ATP9A: variants seen among roughly 807,000 people sequenced by gnomAD.
The protein encoded by ATP9A is probable phospholipid-transporting ATPase IIA.
Under a neutral mutation model 144.1 loss-of-function variants are expected in ATP9A, and 52 were observed. That is an observed-to-expected ratio of 0.36 (90% CI 0.29 to 0.45). The LOEUF is 0.45. Ranked by LOEUF, ATP9A falls within the 20% of genes least tolerant of loss-of-function variation. The pLI is 1.00. For synonymous variants in ATP9A, 582 were observed against 557.4 expected (o/e 1.04, Z -0.62); for missense variants, 947 against 1,392.7 (o/e 0.68, Z 5.09).
At chr20:51,691,613 G>GATGTGGAGA (rs2077548867) in intron 7 of ATP9A, among the ~76,000 whole-genome samples, 1 of 152,240 alleles carries the variant, frequency 6.6e-6, no homozygotes, top group South Asian at 2.1e-4. Flanking sequence ...CAAGTGTGAA[G>GATGTGGAGA]ATGTGGAGAA....
rs1325343744 is a variant in ATP9A, at chr20:51,630,112, C to G, written c.1669-1040G>C. Among the ~76,000 whole-genome samples the G allele has an allele frequency of 2.0e-5, 3 of 152,174 alleles. No homozygotes were observed. In the East Asian group the frequency reaches 5.8e-4, roughly 29 times the overall value. On this transcript the variant is annotated intron_variant, in intron 15 of 27. Transcript: ENST00000338821. ...TGACGGGTGGAGGCCAGGGGTGCTG[C>G]TCACCCTCCTACATCACACAGGACG...
intron 1 of ATP9A, among the ~76,000 whole-genome samples, chr20:51,760,067 A>AT (rs1322804550): frequency 6.6e-6 from 1 of 152,090 alleles, no homozygotes; most frequent in African/African-American, 2.4e-5. Flanking sequence ...CGATTTGTGC[A>AT]TTTTTGTGCT....
intron 14 of ATP9A, among the ~76,000 whole-genome samples, chr20:51,645,110 T>C (rs1259663860): frequency 6.6e-6 from 1 of 152,232 alleles, no homozygotes; most frequent in African/African-American, 2.4e-5. Context: ...TACAGCTGTA[T>C]GTAAACATCT....
At chr20:51,737,183 T>G (rs1310002416) in intron 1 of ATP9A, among the ~76,000 whole-genome samples, 1 of 152,224 alleles carries the variant, frequency 6.6e-6, no homozygotes, top group Admixed American at 6.5e-5. Flanking sequence ...TGCACTACCA[T>G]GAACAGCCTC....
At chr20:51,735,310 GGAC>G in intron 1 of ATP9A, among the ~76,000 whole-genome samples, 1 of 152,062 alleles carries the variant, frequency 6.6e-6, no homozygotes, top group Non-Finnish European at 1.5e-5. Flanking sequence ...GAAAGCAAGA[GGAC>G]ATACATGCAG....
intron 10 of ATP9A, among the ~76,000 whole-genome samples, chr20:51,675,876 T>C (rs1200774310): frequency 1.5e-5 from 2 of 135,380 alleles, no homozygotes; most frequent in African/African-American, 6.1e-5. Context: ...TGAGACCCTG[T>C]CTCAAAAAAA....
rs1314486502 is a variant in ATP9A at position 51,598,395 on chromosome 20, G to T, written c.*2816C>A. ...AAAGTGTTCAAACAGTGCTGACTGT[G>T]TACCTCAAGGCCCTCTGACCTCAAA... On this transcript the variant is annotated 3_prime_UTR_variant, in exon 28 of 28. Transcript: ENST00000338821. The T allele has an allele frequency of 6.6e-6, 1 of 152,166 alleles. No individual in the cohort carries two copies. Among genetic ancestry groups the T allele is most frequent in the Non-Finnish European group, 1.5e-5 (1 of 68,034 alleles). The allele number at this position is 152,166 out of a possible 1,614,324, so 9.4% of individuals were successfully genotyped here. A position where few individuals can be genotyped will look rare whatever the true frequency, so the allele number is the denominator to read the frequency against.
intron 1 of ATP9A, among the ~76,000 whole-genome samples, chr20:51,765,084 T>G (rs1349038289): frequency 1.3e-5 from 2 of 152,180 alleles, no homozygotes; most frequent in Admixed American, 6.5e-5. Flanking sequence ...AACAGCCCTA[T>G]TTATCTCAAG....
chr20:51,633,393 A>G (rs555254933), intron 15 of ATP9A, among the ~76,000 whole-genome samples: 1 of 152,342 alleles, frequency 6.6e-6, no homozygotes, highest in Non-Finnish European at 1.5e-5. Context: ...GGATATGCTT[A>G]GAAAAGAGAC....
At position 51,663,961 on chromosome 20, in the gene ATP9A, T is replaced by TA. The variant is rs200976657; in HGVS notation, c.1293+6035dup. 7.2e-3 allele frequency among the ~76,000 whole-genome samples: 1,097 copies of TA among 151,700 alleles called. 13 individuals are homozygous for TA. The highest frequency in any genetic ancestry group is 0.025 in the African/African-American group (1,043 of 41,400). ...AATAAATCACAAACTCACACGCTCA[T>TA]AAAAAAAACAACTCAGTAAATGAAA... On this transcript the variant is annotated intron_variant, in intron 13 of 27. Coordinates refer to ENST00000338821, the MANE Select transcript of ATP9A (RefSeq NM_006045.3).
At chr20:51,760,879 T>C (rs1025397743) in intron 1 of ATP9A, among the ~76,000 whole-genome samples, 1 of 151,538 alleles carries the variant, frequency 6.6e-6, no homozygotes, top group African/African-American at 2.4e-5. Flanking sequence ...AAAAATTAGC[T>C]GGGCGTGGTG....
chr20:51,656,290 G>A (rs1488599167), intron 14 of ATP9A, among the ~76,000 whole-genome samples: 3 of 151,982 alleles, frequency 2.0e-5, no homozygotes, highest in South Asian at 2.1e-4. Flanking sequence ...AGTGACTCAC[G>A]CCTGTAATCC....
chr20:51,752,711 G>A (rs905559028), intron 1 of ATP9A, among the ~76,000 whole-genome samples: 2 of 152,140 alleles, frequency 1.3e-5, no homozygotes, highest in Non-Finnish European at 2.9e-5. Flanking sequence ...AGGCTTATCC[G>A]ATCCCAGTTA....
chr20:51,736,573 C>A (rs113073439), intron 1 of ATP9A, among the ~76,000 whole-genome samples: 2,263 of 147,738 alleles, frequency 0.015, 55 homozygotes, highest in African/African-American at 0.051. Context: ...AGGCAGGTCT[C>A]GAACTCCTGG....
chr20:51,610,013 A>C (rs1375417440), intron 24 of ATP9A, 88 bp downstream of exon 24: 5 of 1,287,676 alleles, frequency 3.9e-6, no homozygotes, highest in Non-Finnish European at 5.6e-6. Flanking sequence ...TTGGGAACCC[A>C]AGAATTTTTC....
chr20:51,726,017 T>G (rs2077710946), intron 2 of ATP9A, 85 bp from the exon 3 acceptor site: 1 of 834,180 alleles, frequency 1.2e-6, no homozygotes, highest in Admixed American at 2.1e-5. Flanking sequence ...GAATAACATC[T>G]AAAAACATTC....
chr20:51,761,568 T>A (rs969898338), intron 1 of ATP9A, among the ~76,000 whole-genome samples: 1 of 152,008 alleles, frequency 6.6e-6, no homozygotes, highest in Non-Finnish European at 1.5e-5. Flanking sequence ...CAGACCATCC[T>A]GGCTAACACG....
intron 3 of ATP9A, among the ~76,000 whole-genome samples, chr20:51,713,467 T>C (rs1186957417): frequency 6.6e-6 from 1 of 152,182 alleles, no homozygotes; most frequent in East Asian, 1.9e-4. Context: ...GTGCACTTCA[T>C]CCTCATAACA....
intron 15 of ATP9A, among the ~76,000 whole-genome samples, chr20:51,637,635 CA>C (rs1277182481): frequency 6.6e-6 from 1 of 151,370 alleles, no homozygotes; most frequent in African/African-American, 2.4e-5. Context: ...CGCCAGCAGG[CA>C]GGGGGCAGGG....
Sources: allele counts gnomAD v4.1 joint callset (sites outside exome capture counted in the v4.1 genomes callset), GRCh38; gene constraint gnomAD v4.1.1; transcripts MANE v1.5; gene names NCBI Gene and HGNC (gene_info 2026-07-23, HGNC 2026-07-21).